The following FAF1 variants were observed in gnomAD, a reference collection of about 807,000 sequenced individuals.
The protein encoded by FAF1 is Fas associated factor 1.
FAF1 carries 25 observed loss-of-function variants against 92.5 expected under a neutral mutation model. That is an observed-to-expected ratio of 0.27 (90% CI 0.20 to 0.38). The LOEUF is 0.38. Ranked by LOEUF, FAF1 falls within the 10% of genes least tolerant of loss-of-function variation. The probability of loss-of-function intolerance (pLI) is 1.00; values close to 1 mark genes in which losing one functional copy is unlikely to be tolerated. For missense variants in FAF1, 636 were observed against 793.3 expected (o/e 0.80, Z 2.38); for synonymous variants, 234 against 273.2 (o/e 0.86, Z 1.42).
At chr1:50,615,553 T>G (rs1379271245) in intron 8 of FAF1, among the ~76,000 whole-genome samples, 1 of 152,238 alleles carries the variant, frequency 6.6e-6, no homozygotes, top group Non-Finnish European at 1.5e-5. Context: ...TCTGACTTTT[T>G]AATATAGTCA....
At chr1:50,700,361 G>A (rs192049001) in intron 7 of FAF1, among the ~76,000 whole-genome samples, 31 of 151,962 alleles carry the variant, frequency 2.0e-4, no homozygotes, top group Non-Finnish European at 1.5e-4. Context: ...CGCAGCCCCC[G>A]GCCTTTGTAA....
chr1:50,941,033 GT>G (rs1216318705), intron 1 of FAF1, among the ~76,000 whole-genome samples: 2,048 of 138,104 alleles, frequency 0.015, 28 homozygotes, highest in African/African-American at 0.039. Context: ...GGTTTTTTTG[GT>G]TTTTTTTTTT....
chr1:50,695,180 G>T (rs1425761753), intron 7 of FAF1, among the ~76,000 whole-genome samples: 1 of 151,930 alleles, frequency 6.6e-6, no homozygotes, highest in East Asian at 1.9e-4. Context: ...GGTTGAGGCA[G>T]GTGGATCACC....
chr1:50,492,821 G>A lies in FAF1; in HGVS notation c.1495-1020C>T, dbSNP rs567251344. On this transcript the variant is annotated intron_variant, in intron 15 of 18. Coordinates refer to ENST00000396153, the MANE Select transcript of FAF1 (RefSeq NM_007051.3). ...AATCAAGACTGGCCTTATTCCTGAA[G>A]CCTAATACATCTTCTAGTTCCAATA... Among the ~76,000 whole-genome samples the A allele has an allele frequency of 7.2e-5, 11 of 152,222 alleles. No individual in the cohort carries two copies. The East Asian group carries it at 1.4e-3, about 19-fold the overall frequency.
chr1:50,452,243 C>T, intron 18 of FAF1: 1 of 1,020,322 alleles, frequency 9.8e-7, no homozygotes, highest in Non-Finnish European at 1.3e-6. Context: ...CTTTACAGAA[C>T]AATTTGCAAG....
chr1:50,702,947 C>T (rs917853486), intron 7 of FAF1, among the ~76,000 whole-genome samples: 3 of 151,822 alleles, frequency 2.0e-5, no homozygotes, highest in Admixed American at 6.6e-5. Flanking sequence ...ATAGAAATTT[C>T]CCTCTGGGTG....
intron 4 of FAF1, among the ~76,000 whole-genome samples, chr1:50,757,320 T>C (rs578127339): frequency 6.6e-6 from 1 of 152,364 alleles, no homozygotes; most frequent in Admixed American, 6.5e-5. Context: ...AGGAGTGTTA[T>C]AATCTCCAAT....
chr1:50,478,199 T>C (rs921814232), intron 17 of FAF1, among the ~76,000 whole-genome samples: 1 of 151,824 alleles, frequency 6.6e-6, no homozygotes, highest in Non-Finnish European at 1.5e-5. Flanking sequence ...AGTTTCACTC[T>C]GTCGCCCAGG....
At chr1:50,731,232 C>T (rs1658902284) in intron 6 of FAF1, among the ~76,000 whole-genome samples, 1 of 152,110 alleles carries the variant, frequency 6.6e-6, no homozygotes, top group Admixed American at 6.5e-5. Flanking sequence ...AAGAAGCATC[C>T]CATGAAAGGC....
intron 1 of FAF1, among the ~76,000 whole-genome samples, chr1:50,891,823 G>T (rs984775953): frequency 6.6e-6 from 1 of 152,178 alleles, no homozygotes; most frequent in African/African-American, 2.4e-5. Flanking sequence ...ACTTGAGGAG[G>T]CAGTCTGTCC....
At chr1:50,635,463 T>C (rs1388704070) in intron 8 of FAF1, among the ~76,000 whole-genome samples, 1 of 152,208 alleles carries the variant, frequency 6.6e-6, no homozygotes, top group Non-Finnish European at 1.5e-5. Flanking sequence ...TCTCACTCTG[T>C]CACCCAGGCT....
chr1:50,671,330 G>C (rs554036554), intron 7 of FAF1, among the ~76,000 whole-genome samples: 1 of 151,772 alleles, frequency 6.6e-6, no homozygotes, highest in Non-Finnish European at 1.5e-5. Context: ...ACTTGAAACC[G>C]GGAGGTGGAG....
At chr1:50,774,419 C>G (rs1323151576) in intron 4 of FAF1, among the ~76,000 whole-genome samples, 1 of 152,110 alleles carries the variant, frequency 6.6e-6, no homozygotes, top group Non-Finnish European at 1.5e-5. Context: ...TTTATAGATT[C>G]AGGACAAAAC....
intron 6 of FAF1, among the ~76,000 whole-genome samples, chr1:50,729,130 A>T (rs1255876765): frequency 6.9e-6 from 1 of 145,768 alleles, no homozygotes; most frequent in Non-Finnish European, 1.5e-5. Flanking sequence ...ATCTCGGCTC[A>T]CTGCACCCTG....
chr1:50,631,863 G>A (rs901676567), intron 8 of FAF1, among the ~76,000 whole-genome samples: 3 of 152,112 alleles, frequency 2.0e-5, no homozygotes, highest in Non-Finnish European at 4.4e-5. Flanking sequence ...GAACCTATAT[G>A]AAGATTTCAG....
Position 50,583,573 on chromosome 1 carries a change from C to A in FAF1, c.1031+79G>T. On this transcript the variant is annotated intron_variant, in intron 11 of 18. Transcript: ENST00000396153. The surrounding 1 kb of genome is among the most constrained non-coding windows in gnomAD (Gnocchi z 4.2). Reference sequence around the variant, plus strand: ...ACTTTAAGGAGAAACTTTAAACAATCTATAATTAAAATTGCCCAAGAAAAA... The same window carrying A: ...ACTTTAAGGAGAAACTTTAAACAATATATAATTAAAATTGCCCAAGAAAAA... 1.2e-6 allele frequency: 1 copy of A among 834,256 alleles called. No homozygotes were observed. The highest frequency in any genetic ancestry group is 1.9e-6 in the Non-Finnish European group (1 of 538,548). The allele number at this position is 834,256 out of a possible 1,614,324, so 51.7% of individuals were successfully genotyped here.
intron 1 of FAF1, among the ~76,000 whole-genome samples, chr1:50,866,450 C>T (rs948222216): frequency 7.9e-5 from 12 of 152,058 alleles, no homozygotes; most frequent in African/African-American, 2.9e-4. Context: ...ACTAAAGACT[C>T]ATCCAAAAAG....
intron 8 of FAF1, among the ~76,000 whole-genome samples, chr1:50,608,153 T>C (rs1002765649): frequency 3.5e-4 from 53 of 152,342 alleles, no homozygotes; most frequent in African/African-American, 1.3e-3. Flanking sequence ...TGCAGAAATT[T>C]CTAGGAAAAG....
chr1:50,557,723 C>G (rs1453854060), intron 13 of FAF1, among the ~76,000 whole-genome samples: 3 of 151,974 alleles, frequency 2.0e-5, no homozygotes, highest in Non-Finnish European at 2.9e-5. Flanking sequence ...AAATGTGCTA[C>G]CAATTTCAAT....
Sources: allele counts gnomAD v4.1 joint callset (sites outside exome capture counted in the v4.1 genomes callset), GRCh38; gene constraint gnomAD v4.1.1; non-coding constraint Gnocchi (gnomAD v3.1); transcripts MANE v1.5; gene names NCBI Gene and HGNC (gene_info 2026-07-23, HGNC 2026-07-21).